The following CCSER1 variants were observed in gnomAD, a reference collection of about 807,000 sequenced individuals.
CCSER1 encodes serine-rich coiled-coil domain-containing protein 1.
Under a neutral mutation model 82.0 loss-of-function variants are expected in CCSER1, and 41 were observed. The observed-to-expected ratio is 0.50, with a 90% confidence interval of 0.39 to 0.65. CCSER1 has a LOEUF of 0.65. Ranked by LOEUF, CCSER1 falls within the 30% of genes least tolerant of loss-of-function variation. CCSER1 has a pLI of 0.00. For synonymous variants in CCSER1, 414 were observed against 383.9 expected (o/e 1.08, Z -0.92); for missense variants, 1,119 against 1,064.2 (o/e 1.05, Z -0.72).
At chr4:90,861,905 C>CATATATAT (rs1433929339) in intron 8 of CCSER1, among the ~76,000 whole-genome samples, 33 of 139,406 alleles carry the variant, frequency 2.4e-4, no homozygotes, top group Admixed American at 1.8e-3. Context: ...TATGATGACT[C>CATATATAT]ATATATATAT....
chr4:90,486,708 A>C (rs558054752), intron 5 of CCSER1, among the ~76,000 whole-genome samples: 1 of 152,202 alleles, frequency 6.6e-6, no homozygotes, highest in South Asian at 2.1e-4. Flanking sequence ...CTCTTGATAC[A>C]TAGATAAAAA....
chr4:91,020,349 A>G (rs891276343), intron 9 of CCSER1, among the ~76,000 whole-genome samples: 3 of 152,164 alleles, frequency 2.0e-5, no homozygotes, highest in African/African-American at 7.2e-5. Flanking sequence ...ACTTTAATAA[A>G]CATTGTGCCA....
chr4:90,209,692 C>T (rs1739578405), intron 1 of CCSER1, among the ~76,000 whole-genome samples: 1 of 151,308 alleles, frequency 6.6e-6, no homozygotes, highest in South Asian at 2.1e-4. Context: ...TTACTTTGGG[C>T]CAATTAAATC....
intron 1 of CCSER1, among the ~76,000 whole-genome samples, chr4:90,165,275 C>T (rs1730250743): frequency 6.6e-6 from 1 of 152,058 alleles, no homozygotes; most frequent in African/African-American, 2.4e-5. Context: ...ATTACTAAAA[C>T]TGTTCTAAAT....
intron 5 of CCSER1, among the ~76,000 whole-genome samples, chr4:90,618,041 T>C (rs1453916051): frequency 6.6e-6 from 1 of 152,050 alleles, no homozygotes; most frequent in Non-Finnish European, 1.5e-5. Flanking sequence ...CTAGTTGAAA[T>C]TGAATACATA....
At chr4:91,044,107 G>A (rs920336013) in intron 9 of CCSER1, among the ~76,000 whole-genome samples, 8 of 152,190 alleles carry the variant, frequency 5.3e-5, no homozygotes, top group Non-Finnish European at 1.2e-4. Flanking sequence ...AGGAAAAAGT[G>A]TGTGGGGTCT....
intron 4 of CCSER1, among the ~76,000 whole-genome samples, chr4:90,423,172 T>A (rs1436677504): frequency 6.6e-6 from 1 of 152,054 alleles, no homozygotes; most frequent in Non-Finnish European, 1.5e-5. Flanking sequence ...AAATATTGAA[T>A]GAAAATGGAA....
At chr4:90,629,878 T>C (rs1311930438) in intron 6 of CCSER1, among the ~76,000 whole-genome samples, 4 of 152,076 alleles carry the variant, frequency 2.6e-5, no homozygotes, top group Non-Finnish European at 5.9e-5. Context: ...TCAAAATGTG[T>C]TTTCTATTTG....
intron 3 of CCSER1, among the ~76,000 whole-genome samples, chr4:90,380,782 T>C (rs1578193018): frequency 6.6e-6 from 1 of 152,332 alleles, no homozygotes; most frequent in South Asian, 2.1e-4. Flanking sequence ...TAGAGTTTCA[T>C]TTATGATGGA....
At chr4:91,309,859 A>T (rs1409065871) in intron 10 of CCSER1, among the ~76,000 whole-genome samples, 1 of 151,962 alleles carries the variant, frequency 6.6e-6, no homozygotes, top group Non-Finnish European at 1.5e-5. Context: ...CTGCCATAAC[A>T]GAGGGCCACA....
At chr4:91,404,841 C>G (rs967883304) in intron 10 of CCSER1, among the ~76,000 whole-genome samples, 1 of 152,070 alleles carries the variant, frequency 6.6e-6, no homozygotes, top group African/African-American at 2.4e-5. Context: ...GGAATAAGTG[C>G]AATGAGGTGA....
At chr4:91,397,782 T>C (rs1168989581) in intron 10 of CCSER1, among the ~76,000 whole-genome samples, 1 of 151,990 alleles carries the variant, frequency 6.6e-6, no homozygotes, top group Non-Finnish European at 1.5e-5. Flanking sequence ...ATTAGACACT[T>C]TCCAGACAGA....
chr4:91,089,038 A>C (rs1427763821), intron 10 of CCSER1, among the ~76,000 whole-genome samples: 1 of 152,136 alleles, frequency 6.6e-6, no homozygotes. Context: ...ACAGACACCG[A>C]GGTAGTGAAG....
At chr4:90,845,196 A>C (rs1033755408) in intron 8 of CCSER1, among the ~76,000 whole-genome samples, 2 of 152,008 alleles carry the variant, frequency 1.3e-5, no homozygotes, top group African/African-American at 4.8e-5. Flanking sequence ...CCCCGTCTCT[A>C]CTAAAAATAC....
chr4:90,405,887 A>G (rs1398240922), intron 4 of CCSER1, among the ~76,000 whole-genome samples: 2 of 152,216 alleles, frequency 1.3e-5, no homozygotes, highest in African/African-American at 4.8e-5. Context: ...CAAATTTTCA[A>G]AATACACCAA....
At chr4:91,314,127 C>T (rs539057107) in intron 10 of CCSER1, among the ~76,000 whole-genome samples, 1 of 152,062 alleles carries the variant, frequency 6.6e-6, no homozygotes, top group South Asian at 2.1e-4. Flanking sequence ...GCAGTTTCTG[C>T]CATGTTTGAG....
At chr4:91,010,376 A>C (rs961253609) in intron 9 of CCSER1, among the ~76,000 whole-genome samples, 7 of 152,194 alleles carry the variant, frequency 4.6e-5, no homozygotes, top group Non-Finnish European at 8.8e-5. Context: ...GTTTAATTAC[A>C]AATGCCTTGT....
At chr4:90,171,731 C>T (rs940044144) in intron 1 of CCSER1, among the ~76,000 whole-genome samples, 4 of 151,824 alleles carry the variant, frequency 2.6e-5, no homozygotes, top group African/African-American at 9.7e-5. Flanking sequence ...GAGCGGTAAA[C>T]ATTGGAATTG....
chr4:90,979,833 G>A (rs976283979), intron 9 of CCSER1, among the ~76,000 whole-genome samples: 31 of 151,882 alleles, frequency 2.0e-4, no homozygotes, highest in Middle Eastern at 6.8e-3. Context: ...CCTGTGTTAA[G>A]CCATAAAACA....
Sources: gnomAD v4.1 joint callset for allele counts (sites outside exome capture counted in the v4.1 genomes callset) on GRCh38, gnomAD v4.1.1 for gene constraint, MANE v1.5 for transcripts, NCBI Gene and HGNC (gene_info 2026-07-23, HGNC 2026-07-21) for gene names.